The following LRIG1 variants were observed in gnomAD, a reference collection of about 807,000 sequenced individuals.
The protein encoded by LRIG1 is leucine-rich repeats and immunoglobulin-like domains protein 1.
Under a neutral mutation model 99.2 loss-of-function variants are expected in LRIG1, and 48 were observed. The ratio of observed to expected loss-of-function variants is 0.48; its 90% CI spans 0.38 to 0.62. The LOEUF is 0.62. Ranked by LOEUF, LRIG1 falls within the 20% of genes least tolerant of loss-of-function variation. The pLI is 0.00. For missense variants in LRIG1, 1,646 were observed against 1,434.4 expected, an observed-to-expected ratio of 1.15 and a Z score of -2.38; for synonymous variants, 772 against 596.1, an observed-to-expected ratio of 1.29 and a Z score of -4.30.
At chr3:66,448,798 A>G (rs1222393184) in intron 3 of LRIG1, among the ~76,000 whole-genome samples, 2 of 152,222 alleles carry the variant, frequency 1.3e-5, no homozygotes, top group Admixed American at 6.5e-5. Flanking sequence ...CAAAAACGGA[A>G]TAAGAATTTG....
Position 66,447,859 on chromosome 3 carries a change from G to C in LRIG1, c.365+3700C>G, listed in dbSNP as rs74621657. ...ATCAGACAAAATTACTGTTGCTGTG[G>C]GAATCGTAACTTGAGTGTCCTGGAT... On this transcript the variant is annotated intron_variant, in intron 3 of 18. Coordinates refer to ENST00000273261, the MANE Select transcript of LRIG1 (RefSeq NM_015541.3). Among the ~76,000 whole-genome samples, 75 of 152,238 alleles carry C rather than the reference G, an allele frequency of 4.9e-4. No homozygotes were observed. In the East Asian group the frequency reaches 0.013, roughly 27 times the overall value.
chr3:66,465,024 C>A lies in LRIG1; in HGVS notation c.219-2515G>T, dbSNP rs564649926. On this transcript the variant is annotated intron_variant, in intron 1 of 18. Transcript: ENST00000273261. ...TGGAAACGTTAAGTTTTCACGGGGTCAGCTGGAATTAACTAGAAAAGCCAC... is the reference window on the plus strand; with the variant it reads ...TGGAAACGTTAAGTTTTCACGGGGTAAGCTGGAATTAACTAGAAAAGCCAC... 2.6e-5 allele frequency among the ~76,000 whole-genome samples: 4 copies of A among 152,190 alleles called. No homozygotes were observed. In the South Asian group the frequency reaches 6.2e-4, roughly 24 times the overall value.
At chr3:66,381,354 T>G in intron 17 of LRIG1, 125 bp downstream of exon 17, 1 of 908,652 alleles carries the variant, frequency 1.1e-6, no homozygotes, top group Non-Finnish European at 1.7e-6. Context: ...CCCCTGTATA[T>G]ACTGAATACC....
intron 11 of LRIG1, 43 bp downstream of exon 11, chr3:66,398,069 T>C: frequency 2.8e-6 from 4 of 1,447,846 alleles, no homozygotes; most frequent in Non-Finnish European, 3.9e-6. Flanking sequence ...ACTCTGAAAG[T>C]CTCCACTACC....
At chr3:66,407,689 G>A (rs1331690957) in intron 7 of LRIG1, among the ~76,000 whole-genome samples, 198 bp from the exon 8 acceptor site, 3 of 152,218 alleles carry the variant, frequency 2.0e-5, no homozygotes, top group African/African-American at 7.2e-5. Flanking sequence ...AAACTCATCA[G>A]TGCCCAACAC....
chr3:66,383,917 C>T, intron 14 of LRIG1, 74 bp downstream of exon 14: 1 of 1,551,824 alleles, frequency 6.4e-7, no homozygotes. Flanking sequence ...CCCCTGGCCA[C>T]ACAGAGCATT....
chr3:66,413,430 T>A (rs1040981349), intron 5 of LRIG1, among the ~76,000 whole-genome samples: 5 of 152,198 alleles, frequency 3.3e-5, no homozygotes, highest in Admixed American at 1.3e-4. Context: ...CCACACCACA[T>A]GCCTCAACCC....
intron 3 of LRIG1, among the ~76,000 whole-genome samples, chr3:66,421,080 C>T (rs1231666769): frequency 1.3e-5 from 2 of 152,062 alleles, no homozygotes; most frequent in Non-Finnish European, 2.9e-5. Context: ...AAAAACCTGC[C>T]CCCATAACTC....
intron 2 of LRIG1, among the ~76,000 whole-genome samples, chr3:66,459,186 G>C (rs2106829769): frequency 6.6e-6 from 1 of 152,250 alleles, no homozygotes; most frequent in African/African-American, 2.4e-5. Context: ...GGAAAGGTGG[G>C]AGTGCTCAGT....
chr3:66,463,315 C>G (rs900649810), intron 1 of LRIG1, among the ~76,000 whole-genome samples: 1 of 152,052 alleles, frequency 6.6e-6, no homozygotes, highest in Non-Finnish European at 1.5e-5. Flanking sequence ...CTGAATAAAC[C>G]GGGAGGGACA....
rs370005838 is a variant in LRIG1 at position 66,382,263 on chromosome 3, G to C, written c.2617+10C>G. Reference sequence around the variant, plus strand: ...AGCAGAGCTCTGCTTCACAGTTACTGAGGCCTTACCATTGCTCTCAATGTG... The same window carrying C: ...AGCAGAGCTCTGCTTCACAGTTACTCAGGCCTTACCATTGCTCTCAATGTG... On this transcript the variant is annotated intron_variant, in intron 16 of 18. Coordinates refer to ENST00000273261, the MANE Select transcript of LRIG1 (RefSeq NM_015541.3). The C allele has an allele frequency of 1.2e-6, 2 of 1,614,032 alleles. No individual in the cohort carries two copies. The highest frequency in any genetic ancestry group is 2.7e-5 in the African/African-American group (2 of 75,028).
intron 1 of LRIG1, among the ~76,000 whole-genome samples, chr3:66,463,039 G>A (rs1317269820): frequency 6.6e-6 from 1 of 152,158 alleles, no homozygotes; most frequent in African/African-American, 2.4e-5. Context: ...TGGTGGCAGG[G>A]AGTGGGGGGT....
intron 9 of LRIG1, 112 bp downstream of exon 9, chr3:66,405,086 C>T (rs572604361): frequency 3.1e-5 from 27 of 880,004 alleles, no homozygotes; most frequent in Non-Finnish European, 4.5e-5. Flanking sequence ...AAAGCCAGCT[C>T]CTCTTCCGCC....
intron 8 of LRIG1, chr3:66,406,124 A>T: frequency 1.0e-6 from 1 of 985,552 alleles, no homozygotes; most frequent in African/African-American, 1.7e-5. Flanking sequence ...CTGCAGCAGG[A>T]ATCAATGCTG....
chr3:66,456,712 G>A (rs1290302746), intron 2 of LRIG1, among the ~76,000 whole-genome samples: 1 of 152,152 alleles, frequency 6.6e-6, no homozygotes, highest in African/African-American at 2.4e-5. Context: ...ACTGTGGGGA[G>A]CAGCAGCCTG....
intron 4 of LRIG1, among the ~76,000 whole-genome samples, chr3:66,415,570 C>A (rs1354437422): frequency 6.6e-6 from 1 of 152,202 alleles, no homozygotes; most frequent in East Asian, 1.9e-4. Context: ...CAATTCATTT[C>A]TGTAATTGTA....
chr3:66,407,374 G>A lies in LRIG1; in HGVS notation c.1053C>T (p.Phe351=). The A allele has an allele frequency of 6.2e-7, 1 of 1,614,096 alleles. No homozygotes were observed. The highest frequency in any genetic ancestry group is 8.5e-7 in the Non-Finnish European group (1 of 1,180,016). The part of the protein sequence containing the change: ...NSISHIAEGA[F]KGLRSLRVLD... ...AGACTCGCAGGCTCCTGAGTCCCTT[G>A]AAGGCACCCTCCGCAATGTGGCTGA... The change falls in exon 8 of 19, where the codon TTC becomes TTT. Residue 351 remains phenylalanine, a synonymous_variant. Transcript: ENST00000273261.
chr3:66,381,764 T>C, intron 16 of LRIG1, 133 bp from the exon 17 acceptor site: 4 of 976,340 alleles, frequency 4.1e-6, no homozygotes, highest in Non-Finnish European at 6.1e-6. Context: ...GGGCTGCTGG[T>C]CTGGCAAGCA....
At chr3:66,439,180 G>A (rs1703461477) in intron 3 of LRIG1, among the ~76,000 whole-genome samples, 3 of 152,210 alleles carry the variant, frequency 2.0e-5, no homozygotes, top group South Asian at 2.1e-4. Context: ...GCCCCTGGAA[G>A]AACTGCGCCA....
Sources: allele counts gnomAD v4.1 joint callset (sites outside exome capture counted in the v4.1 genomes callset), GRCh38; gene constraint gnomAD v4.1.1; transcripts MANE v1.5; gene names NCBI Gene and HGNC (gene_info 2026-07-23, HGNC 2026-07-21).